Variants in PLCB1 observed in about 807,000 individuals in gnomAD.
The protein encoded by PLCB1 is 1-phosphatidylinositol 4,5-bisphosphate phosphodiesterase beta-1.
Under a neutral mutation model 161.8 loss-of-function variants are expected in PLCB1, and 46 were observed. That is an observed-to-expected ratio of 0.28 (90% confidence interval 0.22 to 0.36). The LOEUF is 0.36. PLCB1 is among the 10% of genes least tolerant of loss of function. PLCB1 has a pLI of 1.00. For missense variants in PLCB1, 1,016 were observed against 1,472.5 expected, an observed-to-expected ratio of 0.69 and a Z score of 5.07; for synonymous variants, 517 against 503.7, an observed-to-expected ratio of 1.03 and a Z score of -0.35.
At position 8,335,962 on chromosome 20, in the gene PLCB1, C is replaced by T. The variant is rs116769374; in HGVS notation, c.178-35420C>T. ...GGTTCTGGCGCTGCTTCTAGAGGCA[C>T]GTTGATCACAGCAGGGAGGGATTCA... On this transcript the variant is annotated intron_variant, in intron 2 of 31. Coordinates refer to ENST00000338037, the MANE Select transcript of PLCB1 (RefSeq NM_015192.4). Among the ~76,000 whole-genome samples the T allele has an allele frequency of 3.8e-3, 584 of 152,220 alleles. 7 individuals carry two copies. The highest frequency in any genetic ancestry group is 0.013 in the African/African-American group (546 of 41,546).
intron 9 of PLCB1, among the ~76,000 whole-genome samples, chr20:8,681,119 T>TATATATATATATATATATATATATAA (rs1485697576): frequency 1.7e-4 from 14 of 82,072 alleles, no homozygotes; most frequent in African/African-American, 7.1e-4. Flanking sequence ...TATATATATA[T>TATATATATATATATATATATATATAA]AATATATATA....
At position 8,683,122 on chromosome 20, in the gene PLCB1, A is replaced by G. The variant is rs540447326; in HGVS notation, c.863-1810A>G. On this transcript the variant is annotated intron_variant, in intron 9 of 31. Coordinates refer to ENST00000338037, the MANE Select transcript of PLCB1 (RefSeq NM_015192.4). ...TATTTTTACATTAAAAATGTTCATAATATATTGCTCAGTTAATACAAAGGT... is the reference window on the plus strand; with the variant it reads ...TATTTTTACATTAAAAATGTTCATAGTATATTGCTCAGTTAATACAAAGGT... Among the ~76,000 whole-genome samples the G allele has an allele frequency of 9.9e-5, 15 of 152,070 alleles. No individual in the cohort carries two copies. The South Asian group carries it at 2.5e-3, about 25-fold the overall frequency.
At chr20:8,429,175 G>C (rs566449571) in intron 3 of PLCB1, among the ~76,000 whole-genome samples, 1 of 152,136 alleles carries the variant, frequency 6.6e-6, no homozygotes, top group Non-Finnish European at 1.5e-5. Context: ...TGCCAGTCTC[G>C]AGCATTTTAG....
chr20:8,146,096 G>GTTTTTT, intron 1 of PLCB1, among the ~76,000 whole-genome samples: 1 of 101,302 alleles, frequency 9.9e-6, no homozygotes, highest in Non-Finnish European at 1.9e-5. Flanking sequence ...TACTGTTTTT[G>GTTTTTT]TTTTTTTTGT....
intron 9 of PLCB1, among the ~76,000 whole-genome samples, chr20:8,668,052 C>T (rs1462012071): frequency 5.3e-5 from 8 of 151,818 alleles, no homozygotes; most frequent in Admixed American, 3.9e-4. Flanking sequence ...AGGCCACAGG[C>T]GTTTGGCTCC....
chr20:8,477,759 T>C (rs915016066), intron 3 of PLCB1, among the ~76,000 whole-genome samples: 2 of 152,272 alleles, frequency 1.3e-5, no homozygotes, highest in African/African-American at 4.8e-5. Flanking sequence ...GAACTAATTG[T>C]GCAAGAACTC....
intron 31 of PLCB1, among the ~76,000 whole-genome samples, chr20:8,851,015 T>C (rs1986867655): frequency 6.6e-6 from 1 of 152,240 alleles, no homozygotes; most frequent in Non-Finnish European, 1.5e-5. Flanking sequence ...GTTTTTTTCT[T>C]AGTGTTCTTT....
intron 2 of PLCB1, among the ~76,000 whole-genome samples, chr20:8,177,524 A>G (rs2051795643): frequency 6.6e-6 from 1 of 152,056 alleles, no homozygotes; most frequent in African/African-American, 2.4e-5. Flanking sequence ...TGCTGTTTCT[A>G]TTCTAGGCTG....
rs1568599522 is a variant in PLCB1 at position 8,787,615 on chromosome 20, C to T, written c.3112-834C>T. Reference sequence around the variant, plus strand: ...CCACCTGAAAACCTTGCAGAAGGTTCTCCAGGTTCCTCATGAGGAAAAAAG... The same window carrying T: ...CCACCTGAAAACCTTGCAGAAGGTTTTCCAGGTTCCTCATGAGGAAAAAAG... On this transcript the variant is annotated intron_variant, in intron 27 of 31. Transcript: ENST00000338037. 2.6e-5 allele frequency among the ~76,000 whole-genome samples: 4 copies of T among 152,214 alleles called. No individual in the cohort carries two copies. The South Asian group carries it at 8.3e-4, about 31-fold the overall frequency.
At chr20:8,187,729 A>G (rs916081599) in intron 2 of PLCB1, among the ~76,000 whole-genome samples, 1 of 152,084 alleles carries the variant, frequency 6.6e-6, no homozygotes, top group East Asian at 1.9e-4. Context: ...ATAAATTTTT[A>G]TGATGGATGA....
At chr20:8,565,856 A>G (rs1246904255) in intron 3 of PLCB1, among the ~76,000 whole-genome samples, 1 of 152,080 alleles carries the variant, frequency 6.6e-6, no homozygotes, top group Admixed American at 6.6e-5. Flanking sequence ...GCCATTTTGG[A>G]CTGGATTTAG....
At chr20:8,766,504 A>C (rs1038401226) in intron 26 of PLCB1, among the ~76,000 whole-genome samples, 8 of 152,222 alleles carry the variant, frequency 5.3e-5, no homozygotes, top group Non-Finnish European at 2.9e-5. Flanking sequence ...AAGCTGGCAA[A>C]GTGGGTGAAA....
intron 1 of PLCB1, among the ~76,000 whole-genome samples, 198 bp from the exon 2 acceptor site, chr20:8,150,096 G>T (rs1885042446): frequency 6.6e-6 from 1 of 151,972 alleles, no homozygotes; most frequent in South Asian, 2.1e-4. Flanking sequence ...TAAGTCTTCT[G>T]ATTATTAGGA....
intron 2 of PLCB1, among the ~76,000 whole-genome samples, chr20:8,268,713 GCC>G (rs1360938799): frequency 6.6e-6 from 1 of 152,114 alleles, no homozygotes; most frequent in African/African-American, 2.4e-5. Context: ...TTTTCTGATG[GCC>G]AGTGATGATG....
At chr20:8,565,317 T>A (rs2123034995) in intron 3 of PLCB1, among the ~76,000 whole-genome samples, 1 of 152,066 alleles carries the variant, frequency 6.6e-6, no homozygotes. Flanking sequence ...AAGGGGAACA[T>A]CACACACTGG....
At chr20:8,582,726 G>A (rs1986872261) in intron 3 of PLCB1, among the ~76,000 whole-genome samples, 1 of 152,212 alleles carries the variant, frequency 6.6e-6, no homozygotes, top group Non-Finnish European at 1.5e-5. Flanking sequence ...GGTGGCTCAT[G>A]CCTGTAATCC....
chr20:8,188,454 G>A (rs2051930634), intron 2 of PLCB1, among the ~76,000 whole-genome samples: 1 of 152,106 alleles, frequency 6.6e-6, no homozygotes, highest in Non-Finnish European at 1.5e-5. Flanking sequence ...ATTGGGGTTG[G>A]TTACGTGCAA....
At chr20:8,643,774 C>CCTCTCT (rs1989035760) in intron 4 of PLCB1, among the ~76,000 whole-genome samples, 1 of 126,686 alleles carries the variant, frequency 7.9e-6, no homozygotes, top group Admixed American at 8.2e-5. Flanking sequence ...TCTCCCTCTC[C>CCTCTCT]CTCTTTCTCC....
intron 23 of PLCB1, among the ~76,000 whole-genome samples, chr20:8,745,857 T>C (rs1981143122): frequency 6.6e-6 from 1 of 152,168 alleles, no homozygotes; most frequent in South Asian, 2.1e-4. Flanking sequence ...AAATAAAATT[T>C]TAAAACCCTC....
Sources: gnomAD v4.1 joint callset for allele counts (sites outside exome capture counted in the v4.1 genomes callset) on GRCh38, gnomAD v4.1.1 for gene constraint, MANE v1.5 for transcripts, NCBI Gene and HGNC (gene_info 2026-07-23, HGNC 2026-07-21) for gene names.